The following CEP250 variants were observed in gnomAD, a reference collection of about 807,000 sequenced individuals.
The protein encoded by CEP250 is centrosomal protein 250, also known as centrosome-associated protein CEP250.
CEP250 carries 242 observed loss-of-function variants against 315.7 expected under a neutral mutation model. The observed-to-expected ratio is 0.77, with a 90% confidence interval of 0.69 to 0.85. The LOEUF (loss-of-function observed/expected upper bound fraction) is 0.85. Among genes scored for constraint, CEP250 ranks in the 40% least tolerant of loss-of-function variants. The pLI, the probability that CEP250 is intolerant of heterozygous loss-of-function variation, is 0.00. For synonymous variants in CEP250, 1,088 were observed against 1,175.0 expected (o/e 0.93, Z 1.51); for missense variants, 2,515 against 2,886.4 (o/e 0.87, Z 2.95).
Position 35,504,526 on chromosome 20 carries a change from CAT to C in CEP250, c.6158_6159del (p.His2053ProfsTer89). On this transcript the variant is annotated frameshift_variant, in exon 30 of 35. Coordinates refer to ENST00000397527, the MANE Select transcript of CEP250 (RefSeq NM_007186.6). LOFTEE classifies it high-confidence loss of function. ...ALAQRDEELR[H>X]QQEREQLLEK... The stretch of plus-strand genomic sequence containing the variant: ...TGCCCAGAGGGATGAAGAGCTGAGA[CAT>C]CAGCAGGAACGGGAGCAGCTGCTGG... The C allele has an allele frequency of 6.2e-7, 1 of 1,613,948 alleles. No homozygotes were observed. The highest frequency in any genetic ancestry group is 1.1e-5 in the South Asian group (1 of 91,048).
chr20:35,497,489 C>T (rs1055751537), intron 25 of CEP250, among the ~76,000 whole-genome samples: 1 of 151,464 alleles, frequency 6.6e-6, no homozygotes, highest in Admixed American at 6.6e-5. Context: ...AGGGCTGAAG[C>T]CCATTAGCAT....
intron 20 of CEP250, among the ~76,000 whole-genome samples, chr20:35,487,004 G>A (rs1467374213): frequency 1.3e-5 from 2 of 152,176 alleles, no homozygotes; most frequent in African/African-American, 2.4e-5. Flanking sequence ...GGTCATGAAA[G>A]GGCCTTTTCT....
intron 25 of CEP250, 119 bp from the exon 26 acceptor site, chr20:35,497,600 T>G (rs932481505): frequency 1.4e-6 from 1 of 719,398 alleles, no homozygotes; most frequent in African/African-American, 1.8e-5. Context: ...AGAGCTGAGC[T>G]GAAATCCTCC....
chr20:35,469,777 G>A (rs1291752908), intron 9 of CEP250, 113 bp from the exon 10 acceptor site: 2 of 578,596 alleles, frequency 3.5e-6, no homozygotes, highest in East Asian at 5.9e-5. Flanking sequence ...GGATTTGGGG[G>A]AGGCTGCAGT....
intron 5 of CEP250, 112 bp downstream of exon 5, chr20:35,463,743 G>A: frequency 1.3e-6 from 1 of 751,092 alleles, no homozygotes; most frequent in Non-Finnish European, 1.9e-6. Flanking sequence ...TTTGGTGGAA[G>A]GCTCTCTTTC....
chr20:35,480,127 C>A lies in CEP250; in HGVS notation c.2568C>A (p.Asn856Lys), dbSNP rs1246541653. The A allele has an allele frequency of 5.6e-6, 9 of 1,612,000 alleles. No homozygotes were observed. The highest frequency in any genetic ancestry group is 1.3e-5 in the African/African-American group (1 of 74,982). ...AGGCAGCCCATGAGAAAGAGGTGAA[C>A]CAGCTCCGGGAGAAATGGGTAAGTG... The part of the protein sequence containing the change: ...QQKAAHEKEV[N>K]QLREKWEKER... Residue 856 changes from asparagine (N) to lysine (K), a missense_variant, in exon 20 of 35, where the codon AAC becomes AAA. Transcript: ENST00000397527.
chr20:35,461,049 C>T (rs973146920), intron 3 of CEP250, among the ~76,000 whole-genome samples: 8 of 152,090 alleles, frequency 5.3e-5, no homozygotes, highest in Non-Finnish European at 7.3e-5. Flanking sequence ...CATGATAGGA[C>T]GTGGCATTTG....
rs145916875 is a variant in CEP250 at position 35,491,232 on chromosome 20, G to T, written c.2775G>T (p.Lys925Asn). ...ALCQMQLETE[K>N]ERVSLLETLL... ...CACAGATGCAGCTGGAAACAGAGAA[G>T]GAGAGAGTATCCCTCCTGGAGACAC... The change falls in exon 22 of 35, where the codon AAG (lysine) becomes AAT (asparagine). Residue 925 changes from lysine (K) to asparagine (N), a missense_variant. Coordinates refer to ENST00000397527, the MANE Select transcript of CEP250 (RefSeq NM_007186.6). 9.0e-4 allele frequency: 1,446 copies of T among 1,611,574 alleles called. No homozygotes were observed. The highest frequency in any genetic ancestry group is 2.4e-3 in the Admixed American group (145 of 59,696).
At chr20:35,476,013 A>G (rs1361135857) in intron 15 of CEP250, among the ~76,000 whole-genome samples, 1 of 152,040 alleles carries the variant, frequency 6.6e-6, no homozygotes, top group Admixed American at 6.6e-5. Context: ...CAGTTATTCC[A>G]TGTTCTTCAT....
rs748997441 is a variant in CEP250 at position 35,467,084 on chromosome 20, G to T, written c.599+12G>T. 3 of 1,553,838 alleles carry T rather than the reference G, an allele frequency of 1.9e-6. No homozygotes were observed. The highest frequency in any genetic ancestry group is 2.6e-6 in the Non-Finnish European group (3 of 1,138,834). On this transcript the variant is annotated intron_variant, in intron 8 of 34. Coordinates refer to ENST00000397527, the MANE Select transcript of CEP250 (RefSeq NM_007186.6). ...TCAGCTACTGACAGGTCAGTGTGGG[G>T]AGAAGAAGGGAGGAGGTTTGCCCCT...
chr20:35,473,939 A>G lies in CEP250; in HGVS notation c.1458A>G (p.Ala486=), dbSNP rs2063096545. Reference sequence around the variant, plus strand: ...AGCTGGAGGTGCTAGAGCAGGAGGCATGGCGCCTGCGAAGGGTAAATGTGG... The same window carrying G: ...AGCTGGAGGTGCTAGAGCAGGAGGCGTGGCGCCTGCGAAGGGTAAATGTGG... The part of the protein sequence containing the change: ...RQQLEVLEQE[A]WRLRRVNVEL... Residue 486 remains alanine, a synonymous_variant, in exon 14 of 35, where the codon GCA becomes GCG. Coordinates refer to ENST00000397527, the MANE Select transcript of CEP250 (RefSeq NM_007186.6). 1.9e-6 allele frequency: 3 copies of G among 1,612,600 alleles called. No individual in the cohort carries two copies. The highest frequency in any genetic ancestry group is 2.5e-6 in the Non-Finnish European group (3 of 1,179,558).
At chr20:35,474,137 G>A in intron 14 of CEP250, 85 bp downstream of exon 14, 1 of 1,140,772 alleles carries the variant, frequency 8.8e-7, no homozygotes, top group Non-Finnish European at 1.2e-6. Flanking sequence ...CTGTTACAAA[G>A]TAGAGTATGT....
At chr20:35,485,822 GTTT>G (rs538827494) in intron 20 of CEP250, among the ~76,000 whole-genome samples, 3 of 115,388 alleles carry the variant, frequency 2.6e-5, no homozygotes, top group African/African-American at 3.5e-5. Flanking sequence ...GCCTGGCTAA[GTTT>G]TTTTTTTTTT....
intron 25 of CEP250, 51 bp downstream of exon 25, chr20:35,496,766 C>A: frequency 6.3e-7 from 1 of 1,579,446 alleles, no homozygotes; most frequent in Non-Finnish European, 8.6e-7. Context: ...AAGCCTGATT[C>A]TGAAGCGGTG....
In CEP250 at chr20:35,479,957, C is replaced by T. The variant is rs372781412; in HGVS notation, c.2417-19C>T. On this transcript the variant is annotated intron_variant, in intron 19 of 34. Coordinates refer to ENST00000397527, the MANE Select transcript of CEP250 (RefSeq NM_007186.6). ...TAAAAGGAGGGGGCGGAGGCCTGAT[C>T]CTGTCCCTGGCATGTTAGGGGAAGT... The T allele has an allele frequency of 6.2e-7, 1 of 1,612,074 alleles. No homozygotes were observed. The highest frequency in any genetic ancestry group is 1.3e-5 in the African/African-American group (1 of 74,892).
intron 20 of CEP250, among the ~76,000 whole-genome samples, chr20:35,486,886 T>C (rs560109013): frequency 1.3e-5 from 2 of 152,212 alleles, no homozygotes; most frequent in Non-Finnish European, 2.9e-5. Context: ...GTATACCATG[T>C]ACTGAAAACT....
chr20:35,504,775 G>T lies in CEP250; in HGVS notation c.6406G>T (p.Glu2136Ter). The T allele has an allele frequency of 5.0e-6, 8 of 1,614,198 alleles. No homozygotes were observed. Among genetic ancestry groups the T allele is most frequent in the Non-Finnish European group, 6.8e-6 (8 of 1,180,040 alleles). The change falls in exon 30 of 35, where the codon GAA becomes TAA. Residue 2136 changes from glutamate (E) to a stop codon, truncating the protein, a stop_gained. Transcript: ENST00000397527. LOFTEE classifies it high-confidence loss of function. Reference protein sequence around the residue: ...PHSHKTSPMEEQSLKLDSLEP... With the variant: ...PHSHKTSPME ...CAGCCACAAAACCTCCCCAATGGAG[G>T]AACAATCTCTAAAACTTGATTCTTT...
chr20:35,466,126 G>A lies in CEP250; in HGVS notation c.414G>A (p.Val138=), dbSNP rs1170602366. The A allele has an allele frequency of 6.2e-7, 1 of 1,614,078 alleles. No homozygotes were observed. Among genetic ancestry groups the A allele is most frequent in the Admixed American group, 1.7e-5 (1 of 60,006 alleles). The change falls in exon 7 of 35, where the codon GTG becomes GTA. Residue 138 remains valine (V), a synonymous_variant. Transcript: ENST00000397527. The part of the protein sequence containing the change: ...DVVNKALRED[V]EKLTVDWSRA... ...TGAATAAAGCCCTTAGGGAAGATGT[G>A]GAAAAACTGACAGTGGACTGGAGCC...
intron 1 of CEP250, among the ~76,000 whole-genome samples, chr20:35,457,330 A>G (rs1371854129): frequency 6.6e-6 from 1 of 152,150 alleles, no homozygotes; most frequent in Admixed American, 6.5e-5. Flanking sequence ...AAAGCATGGT[A>G]AGGTAAATAA....
Sources: allele counts gnomAD v4.1 joint callset (sites outside exome capture counted in the v4.1 genomes callset), GRCh38; gene constraint gnomAD v4.1.1; transcripts MANE v1.5; gene names NCBI Gene and HGNC (gene_info 2026-07-23, HGNC 2026-07-21).